Variants in ZNF41 observed in about 807,000 individuals in gnomAD.
ZNF41 encodes zinc finger protein 41.
ZNF41 carries 6 observed loss-of-function variants against 9.3 expected under a neutral mutation model. That is an observed-to-expected ratio of 0.65 (90% CI 0.35 to 1.28). The LOEUF (loss-of-function observed/expected upper bound fraction) is 1.28, where lower values mean the gene tolerates loss of function less well. ZNF41 is among the 50% of genes most tolerant of loss of function. The pLI, the probability that ZNF41 is intolerant of heterozygous loss-of-function variation, is 0.03. For synonymous variants in ZNF41, 192 were observed against 207.1 expected (o/e 0.93, Z 0.63); for missense variants, 523 against 585.8 (o/e 0.89, Z 1.11).
rs774242602 is a variant in ZNF41, at chrX:47,449,185, A to C, written c.585T>G (p.Ile195Met). 8.3e-7 allele frequency: 1 copy of C among 1,211,432 alleles called. No individual in the cohort carries two copies. The highest frequency in any genetic ancestry group is 3.0e-5 in the East Asian group (1 of 33,834). ...SIKRLHNCDT[I>M]LKHTLNSHNH... is the part of the protein sequence containing the mutation. ...TATGTGAGTTTAAAGTATGCTTCAA[A>C]ATTGTGTCACAGTTATGGAGTCTTT... Residue 195 changes from isoleucine to methionine, a missense_variant, in exon 5 of 5, where the codon ATT becomes ATG. Coordinates refer to ENST00000684689, the MANE Select transcript of ZNF41 (RefSeq NM_001324144.2).
intron 1 of ZNF41, among the ~76,000 whole-genome samples, chrX:47,473,885 C>T (rs2147807434): frequency 8.9e-6 from 1 of 111,792 alleles, no homozygotes. Flanking sequence ...AACTAAAATA[C>T]TTATCACTTG....
At chrX:47,453,963 T>C (rs1237032543) in intron 4 of ZNF41, among the ~76,000 whole-genome samples, 2 of 111,061 alleles carry the variant, frequency 1.8e-5, no homozygotes, top group Admixed American at 1.9e-4. Flanking sequence ...TCCCAGCTAC[T>C]CAGGAGGCTG....
chrX:47,477,424 G>A lies in ZNF41; in HGVS notation c.-280+5671C>T, dbSNP rs185353808. On this transcript the variant is annotated intron_variant, in intron 1 of 4. Transcript: ENST00000684689. ...CTCCCAAAGTGCTGGGATTACAGGCGTGAGCCACCGTGCCCAGCTGGAATG... is the reference window on the plus strand; with the variant it reads ...CTCCCAAAGTGCTGGGATTACAGGCATGAGCCACCGTGCCCAGCTGGAATG... Among the ~76,000 whole-genome samples the A allele has an allele frequency of 4.1e-3, 465 of 112,985 alleles. 3 individuals carry two copies. The highest frequency in any genetic ancestry group is 0.014 in the African/African-American group (439 of 31,146).
intron 2 of ZNF41, among the ~76,000 whole-genome samples, chrX:47,460,196 T>C (rs1487724816): frequency 8.9e-6 from 1 of 111,803 alleles, no homozygotes; most frequent in African/African-American, 3.2e-5. Context: ...GCCTGGAAGG[T>C]GGAGGCTGCA....
At chrX:47,471,853 GTT>G (rs1445989853) in intron 1 of ZNF41, among the ~76,000 whole-genome samples, 1 of 111,707 alleles carries the variant, frequency 9.0e-6, no homozygotes, top group African/African-American at 3.2e-5. Flanking sequence ...CAGCAAATAA[GTT>G]TATAAAAAGA....
In ZNF41 at chrX:47,452,956, C is replaced by A. The variant is rs776237906; in HGVS notation, c.295+2965G>T. On this transcript the variant is annotated intron_variant, in intron 4 of 4. Transcript: ENST00000684689. ...GTCTGTGGTTTCTCCCTCGGTAAGACCCTGAGTTATACTACAAGAAATAGG... is the reference window on the plus strand; with the variant it reads ...GTCTGTGGTTTCTCCCTCGGTAAGAACCTGAGTTATACTACAAGAAATAGG... 6.3e-5 allele frequency among the ~76,000 whole-genome samples: 7 copies of A among 111,998 alleles called. No homozygotes were observed. The East Asian group carries it at 1.1e-3, about 18-fold the overall frequency.
At chrX:47,452,993 T>C (rs2056423262) in intron 4 of ZNF41, among the ~76,000 whole-genome samples, 2 of 112,722 alleles carry the variant, frequency 1.8e-5, no homozygotes, top group Admixed American at 9.4e-5. Context: ...TCTTCATGTA[T>C]ACATATTTCA....
chrX:47,463,108 G>A (rs865974269), intron 2 of ZNF41, among the ~76,000 whole-genome samples: 3 of 109,918 alleles, frequency 2.7e-5, no homozygotes, highest in South Asian at 3.9e-4. Context: ...TTACAGGTGC[G>A]AACCACCGTG....
At position 47,456,341 on chromosome X, in the gene ZNF41, A is replaced by G; in HGVS notation, c.130T>C (p.Leu44=). The G allele has an allele frequency of 8.3e-7, 1 of 1,211,528 alleles. No homozygotes were observed. Among genetic ancestry groups the G allele is most frequent in the South Asian group, 1.8e-5 (1 of 56,943 alleles). ...TACAGGCGTCTCTGGGCAGGGTCCAAGTGCTGCCACTCCTCCTTGCTGAAG... is the reference window on the plus strand; with the variant it reads ...TACAGGCGTCTCTGGGCAGGGTCCAGGTGCTGCCACTCCTCCTTGCTGAAG... ...VDFSKEEWQH[L]DPAQRRLYWD... The change falls in exon 3 of 5, where the codon TTG becomes CTG. Residue 44 remains leucine (L), a synonymous_variant. Coordinates refer to ENST00000684689, the MANE Select transcript of ZNF41 (RefSeq NM_001324144.2).
At chrX:47,460,630 G>T (rs2056751190) in intron 2 of ZNF41, among the ~76,000 whole-genome samples, 1 of 111,786 alleles carries the variant, frequency 8.9e-6, no homozygotes, top group African/African-American at 3.2e-5. Flanking sequence ...GAAATCCAAG[G>T]CTTTAATAAA....
intron 1 of ZNF41, among the ~76,000 whole-genome samples, chrX:47,469,520 A>G (rs2057113497): frequency 9.0e-6 from 1 of 110,831 alleles, no homozygotes; most frequent in Non-Finnish European, 1.9e-5. Context: ...ATATCTGGAT[A>G]AAGAAAAACA....
chrX:47,454,963 T>C (rs1050069226), intron 4 of ZNF41, among the ~76,000 whole-genome samples: 52 of 111,419 alleles, frequency 4.7e-4, no homozygotes, highest in Non-Finnish European at 8.9e-4. Flanking sequence ...AGAAAAGACC[T>C]GGCCAGGCGC....
At position 47,445,475 on chromosome X, in the gene ZNF41, A is replaced by G. The variant is rs1021422652; in HGVS notation, c.*1955T>C. 1.8e-5 allele frequency among the ~76,000 whole-genome samples: 2 copies of G among 112,080 alleles called. No individual in the cohort carries two copies. Among genetic ancestry groups the G allele is most frequent in the African/African-American group, 6.5e-5 (2 of 30,855 alleles). On this transcript the variant is annotated 3_prime_UTR_variant, in exon 5 of 5. Coordinates refer to ENST00000684689, the MANE Select transcript of ZNF41 (RefSeq NM_001324144.2). ...AAAACTAAAACTGACATATCACTAT[A>G]TGCCCACCACTAATGGCTATAGTAA...
chrX:47,449,163 G>A lies in ZNF41; in HGVS notation c.607C>T (p.His203Tyr). 2 of 1,211,512 alleles carry A rather than the reference G, an allele frequency of 1.7e-6. No individual in the cohort carries two copies. The highest frequency in any genetic ancestry group is 3.0e-5 in the East Asian group (1 of 33,837). The change falls in exon 5 of 5, where the codon CAT (histidine) becomes TAT (tyrosine). Residue 203 changes from histidine (H) to tyrosine (Y), a missense_variant. By Grantham distance (83) the His-to-Tyr change is moderately conservative (BLOSUM62 2). Transcript: ENST00000684689. ...DTILKHTLNS[H>Y]NHNRNSATKN... ...GTTGCACTGTTTCTATTATGATTAT[G>A]TGAGTTTAAAGTATGCTTCAAAATT...
intron 1 of ZNF41, among the ~76,000 whole-genome samples, chrX:47,470,727 CAAA>C (rs11352103): frequency 1.2e-5 from 1 of 83,128 alleles, no homozygotes. Context: ...GACTCTATTT[CAAA>C]AAAAAAAAAA....
chrX:47,448,895 A>G lies in ZNF41; in HGVS notation c.875T>C (p.Ile292Thr). The change falls in exon 5 of 5, where the codon ATT (isoleucine) becomes ACT (threonine). Residue 292 changes from isoleucine to threonine, a missense_variant. Physicochemically the swap from Ile to Thr is moderately conservative, Grantham distance 89 (BLOSUM62 -1). Coordinates refer to ENST00000684689, the MANE Select transcript of ZNF41 (RefSeq NM_001324144.2). ...QKSHLFEHQR[I>T]HAGEKSRECD... ...TTCACGGGACTTTTCTCCAGCATGA[A>G]TTCTCTGATGCTCAAACAGATGTGA... The G allele has an allele frequency of 1.7e-6, 2 of 1,211,529 alleles. No individual in the cohort carries two copies. Among genetic ancestry groups the G allele is most frequent in the East Asian group, 3.0e-5 (1 of 33,835 alleles).
At chrX:47,449,611 C>T in intron 4 of ZNF41, 137 bp from the exon 5 acceptor site, 1 of 679,906 alleles carries the variant, frequency 1.5e-6, no homozygotes. Flanking sequence ...AATGTAGCAA[C>T]ACAACATTCT....
chrX:47,459,930 C>A (rs185944758), intron 2 of ZNF41, among the ~76,000 whole-genome samples: 56 of 99,299 alleles, frequency 5.6e-4, no homozygotes, highest in African/African-American at 2.0e-3. Context: ...GTGACAAAAG[C>A]GAGACTCCAT....
At chrX:47,468,467 C>A (rs1018699129) in intron 1 of ZNF41, among the ~76,000 whole-genome samples, 11 of 111,211 alleles carry the variant, frequency 9.9e-5, no homozygotes, top group African/African-American at 3.6e-4. Context: ...CCCTGAAAAC[C>A]TGCAGGTCTG....
Sources: allele counts gnomAD v4.1 joint callset (sites outside exome capture counted in the v4.1 genomes callset), GRCh38; gene constraint gnomAD v4.1.1; transcripts MANE v1.5; gene names NCBI Gene and HGNC (gene_info 2026-07-23, HGNC 2026-07-21).